The following CSE1L variants were observed in gnomAD, a reference collection of about 807,000 sequenced individuals.
CSE1L encodes the protein exportin-2.
In CSE1L, 24 loss-of-function variants were observed where a neutral mutation model predicts 120.4. That is an observed-to-expected ratio of 0.20 (90% CI 0.14 to 0.28). CSE1L has a LOEUF of 0.28. Ranked by LOEUF, CSE1L falls within the 10% of genes least tolerant of loss-of-function variation. The pLI is 1.00. For synonymous variants in CSE1L, 402 were observed against 398.3 expected, an observed-to-expected ratio of 1.01 and a Z score of -0.11; for missense variants, 830 against 1,145.2, an observed-to-expected ratio of 0.72 and a Z score of 3.97.
intron 1 of CSE1L, among the ~76,000 whole-genome samples, chr20:49,057,946 GT>G (rs1316773773): frequency 1.3e-5 from 2 of 151,582 alleles, no homozygotes; most frequent in Non-Finnish European, 2.9e-5. Flanking sequence ...TTTTTTTGTA[GT>G]TTTGGTAGAG....
intron 1 of CSE1L, among the ~76,000 whole-genome samples, chr20:49,052,369 G>A (rs527252835): frequency 6.6e-6 from 1 of 152,342 alleles, no homozygotes; most frequent in South Asian, 2.1e-4. Flanking sequence ...TGCTAACACA[G>A]TAAAACAAGG....
intron 3 of CSE1L, among the ~76,000 whole-genome samples, chr20:49,065,469 C>T (rs1406094897): frequency 6.6e-6 from 1 of 150,602 alleles, no homozygotes; most frequent in Non-Finnish European, 1.5e-5. Flanking sequence ...GTTACAGGTG[C>T]CCACCACCAT....
chr20:49,076,778 G>T (rs960524838), intron 12 of CSE1L, among the ~76,000 whole-genome samples: 3 of 151,746 alleles, frequency 2.0e-5, no homozygotes, highest in Non-Finnish European at 4.4e-5. Context: ...TGATCTACCC[G>T]CCTCGGCCTC....
intron 13 of CSE1L, 70 bp downstream of exon 13, chr20:49,077,134 A>G (rs1287402987): frequency 2.2e-5 from 16 of 734,274 alleles, no homozygotes; most frequent in African/African-American, 3.9e-5. Flanking sequence ...ACAGCTTCCT[A>G]TCCTTGTTCC....
rs751148778 is a variant in CSE1L at position 49,096,394 on chromosome 20, T to C, written c.2872T>C (p.Tyr958His). The C allele has an allele frequency of 6.2e-7, 1 of 1,614,142 alleles. No individual in the cohort carries two copies. Among genetic ancestry groups the C allele is most frequent in the African/African-American group, 1.3e-5 (1 of 75,044 alleles). ...CAGCCTGAATGCAGAAGCGCTCCAG[T>C]ATCTCCAAGGGTACCTTCAGGCAGC... is the stretch of plus-strand genomic sequence containing the variant. ...STSLNAEALQ[Y>H]LQGYLQAASV... The change falls in exon 25 of 25, where the codon TAT becomes CAT. Residue 958 changes from tyrosine to histidine, a missense_variant. Physicochemically the swap from Tyr to His is moderately conservative, Grantham distance 83. Transcript: ENST00000262982.
intron 22 of CSE1L, among the ~76,000 whole-genome samples, chr20:49,093,017 T>G (rs1198526397): frequency 5.3e-5 from 8 of 152,162 alleles, no homozygotes; most frequent in African/African-American, 1.9e-4. Flanking sequence ...CATTTCCCAT[T>G]AGTAGGGAAT....
chr20:49,056,089 A>G (rs2091804331), intron 1 of CSE1L, among the ~76,000 whole-genome samples: 1 of 151,368 alleles, frequency 6.6e-6, no homozygotes, highest in South Asian at 2.1e-4. Context: ...GAATCTAAGC[A>G]TAAGTGGAGT....
intron 13 of CSE1L, among the ~76,000 whole-genome samples, chr20:49,078,004 A>C (rs76118482): frequency 2.7e-5 from 4 of 148,804 alleles, no homozygotes; most frequent in Admixed American, 6.7e-5. Context: ...ACTCTGTCTC[A>C]AAAAAAAAAA....
intron 2 of CSE1L, among the ~76,000 whole-genome samples, chr20:49,058,927 G>A (rs973769994): frequency 3.3e-5 from 5 of 151,842 alleles, no homozygotes; most frequent in African/African-American, 1.2e-4. Context: ...GTCAGGAGAT[G>A]GAGACCATCC....
intron 14 of CSE1L, among the ~76,000 whole-genome samples, chr20:49,078,876 C>G (rs1307208985): frequency 6.6e-6 from 1 of 152,152 alleles, no homozygotes; most frequent in Non-Finnish European, 1.5e-5. Context: ...TCTTAATTTA[C>G]AATAGAGAGG....
intron 2 of CSE1L, among the ~76,000 whole-genome samples, chr20:49,061,881 G>A (rs551248971): frequency 6.6e-6 from 1 of 151,948 alleles, no homozygotes; most frequent in African/African-American, 2.4e-5. Context: ...AAATAATCTG[G>A]TATTTCTGGG....
At chr20:49,062,569 T>C (rs1416813415) in intron 2 of CSE1L, among the ~76,000 whole-genome samples, 1 of 152,092 alleles carries the variant, frequency 6.6e-6, no homozygotes, top group Non-Finnish European at 1.5e-5. Context: ...CAAGAAAGCT[T>C]AGGGCTGGTA....
In CSE1L at chr20:49,089,641, A is replaced by G. The variant is rs1256307290; in HGVS notation, c.2076A>G (p.Pro692=). Residue 692 remains proline, a synonymous_variant, in exon 19 of 25, where the codon CCA becomes CCG. Coordinates refer to ENST00000262982, the MANE Select transcript of CSE1L (RefSeq NM_001316.4). ...CCTTATTTCCTCATCTCCTTCAGCCAGTGCTTTGGGAAAGAACAGGAAATA... is the reference window on the plus strand; with the variant it reads ...CCTTATTTCCTCATCTCCTTCAGCCGGTGCTTTGGGAAAGAACAGGAAATA... ...YMALFPHLLQ[P]VLWERTGNIP... The G allele has an allele frequency of 3.7e-6, 6 of 1,614,050 alleles. No homozygotes were observed. The highest frequency in any genetic ancestry group is 1.3e-5 in the African/African-American group (1 of 74,922).
At chr20:49,080,667 G>C (rs62210395) in intron 14 of CSE1L, among the ~76,000 whole-genome samples, 14,745 of 151,940 alleles carry the variant, frequency 0.097, 922 homozygotes, top group Non-Finnish European at 0.13. Flanking sequence ...GTAGAGACGG[G>C]GTTTCTCCAT....
intron 17 of CSE1L, 37 bp downstream of exon 17, chr20:49,088,143 T>A (rs1437620722): frequency 7.1e-7 from 1 of 1,406,366 alleles, no homozygotes; most frequent in East Asian, 2.3e-5. Flanking sequence ...GTTCCTTTTT[T>A]ATTTGCTCCA....
chr20:49,050,548 G>A (rs62210388), intron 1 of CSE1L, among the ~76,000 whole-genome samples: 2 of 151,220 alleles, frequency 1.3e-5, no homozygotes, highest in African/African-American at 2.4e-5. Flanking sequence ...GATTACAGGC[G>A]CATGCCACCA....
intron 5 of CSE1L, among the ~76,000 whole-genome samples, 189 bp from the exon 6 acceptor site, chr20:49,067,001 C>A (rs2091897041): frequency 7.3e-6 from 1 of 137,708 alleles, no homozygotes; most frequent in South Asian, 2.3e-4. Flanking sequence ...CACTGCACTC[C>A]AGCCTGGGCG....
intron 2 of CSE1L, 118 bp downstream of exon 2, chr20:49,058,666 C>T (rs867152620): frequency 2.4e-5 from 17 of 721,506 alleles, no homozygotes; most frequent in Middle Eastern, 3.5e-4. Flanking sequence ...GGTTCTCAAG[C>T]GTAGTTTATA....
chr20:49,085,565 T>TA (rs2092049736), intron 16 of CSE1L, among the ~76,000 whole-genome samples, 179 bp downstream of exon 16: 1 of 90,304 alleles, frequency 1.1e-5, no homozygotes, highest in African/African-American at 5.9e-5. Context: ...AACAATAATT[T>TA]TTTTTTTTTT....
Sources: gnomAD v4.1 joint callset for allele counts (sites outside exome capture counted in the v4.1 genomes callset) on GRCh38, gnomAD v4.1.1 for gene constraint, MANE v1.5 for transcripts, NCBI Gene and HGNC (gene_info 2026-07-23, HGNC 2026-07-21) for gene names.